Variants in PTPRD observed in about 807,000 individuals in gnomAD.
PTPRD encodes the protein receptor-type tyrosine-protein phosphatase delta.
PTPRD carries 34 observed loss-of-function variants against 214.5 expected under a neutral mutation model. The ratio of observed to expected loss-of-function variants is 0.16; its 90% CI spans 0.12 to 0.21. PTPRD has a LOEUF of 0.21. PTPRD is among the 10% of genes least tolerant of loss of function. The pLI, the probability that PTPRD is intolerant of heterozygous loss-of-function variation, is 1.00. For missense variants in PTPRD, 2,545 were observed against 2,398.7 expected (o/e 1.06, Z -1.27); for synonymous variants, 1,128 against 845.7 (o/e 1.33, Z -5.79).
chr9:8,561,617 G>C (rs977020454), intron 14 of PTPRD, among the ~76,000 whole-genome samples: 4 of 152,176 alleles, frequency 2.6e-5, no homozygotes, highest in Non-Finnish European at 5.9e-5. Context: ...AGGGGGGGTG[G>C]AGAGTGGAGG....
At chr9:9,336,599 G>C (rs890517396) in intron 9 of PTPRD, among the ~76,000 whole-genome samples, 9 of 152,104 alleles carry the variant, frequency 5.9e-5, no homozygotes, top group East Asian at 1.9e-4. Flanking sequence ...CAGGTAATAT[G>C]TGTTCTGGGA....
intron 14 of PTPRD, among the ~76,000 whole-genome samples, chr9:8,621,888 A>G (rs973902916): frequency 1.3e-5 from 2 of 151,972 alleles, no homozygotes; most frequent in African/African-American, 4.8e-5. Context: ...CTTATATAAC[A>G]GTGTTCCTGT....
chr9:10,028,231 G>C (rs1465996785), intron 4 of PTPRD, among the ~76,000 whole-genome samples: 1 of 152,258 alleles, frequency 6.6e-6, no homozygotes, highest in South Asian at 2.1e-4. Context: ...TGCCATGATC[G>C]TGAGGCCTCC....
At chr9:9,410,364 CAT>C (rs1442132824) in intron 8 of PTPRD, among the ~76,000 whole-genome samples, 20 of 152,288 alleles carry the variant, frequency 1.3e-4, no homozygotes, top group Middle Eastern at 3.4e-3. Context: ...TACTTTTAGA[CAT>C]ATACATCAAA....
intron 8 of PTPRD, among the ~76,000 whole-genome samples, chr9:9,457,173 T>C (rs920282282): frequency 4.6e-5 from 7 of 151,878 alleles, no homozygotes; most frequent in African/African-American, 1.7e-4. Context: ...ACAGTACAAT[T>C]GGTACTTATT....
chr9:8,517,933 T>G lies in PTPRD; in HGVS notation c.1458A>C (p.Lys486Asn). The change falls in exon 21 of 46, where the codon AAA becomes AAC. Residue 486 changes from lysine to asparagine, a missense_variant. Transcript: ENST00000381196. ...ITTIGNLVPQ[K>N]TYSVKVLAFT... The stretch of plus-strand genomic sequence containing the variant: ...AAGCCAGGACTTTGACAGAATATGT[T>G]TTCTGGGGCACTAAGTTGCCAATAG... 1 of 1,614,168 alleles carries G rather than the reference T, an allele frequency of 6.2e-7. No homozygotes were observed. The highest frequency in any genetic ancestry group is 8.5e-7 in the Non-Finnish European group (1 of 1,180,010).
In PTPRD at chr9:9,894,898, A is replaced by G. The variant is rs147446252; in HGVS notation, c.-368+43609T>C. Reference sequence around the variant, plus strand: ...TTCTCTGATTTTAACTGTAAGAACAAAAGAGCCAGAAATGGCTTTTGATTT... The same window carrying G: ...TTCTCTGATTTTAACTGTAAGAACAGAAGAGCCAGAAATGGCTTTTGATTT... On this transcript the variant is annotated intron_variant, in intron 5 of 45. Coordinates refer to ENST00000381196, the MANE Select transcript of PTPRD (RefSeq NM_002839.4). Among the ~76,000 whole-genome samples, 1,142 of 152,124 alleles carry G rather than the reference A, an allele frequency of 7.5e-3. 6 individuals carry two copies. The highest frequency in any genetic ancestry group is 0.039 in the South Asian group (188 of 4,820).
intron 4 of PTPRD, among the ~76,000 whole-genome samples, chr9:10,010,755 A>T (rs1272098155): frequency 6.6e-6 from 1 of 152,016 alleles, no homozygotes; most frequent in Non-Finnish European, 1.5e-5. Flanking sequence ...TTAGATCATT[A>T]TGGTAATGAG....
At chr9:8,934,306 G>A (rs79812257) in intron 11 of PTPRD, among the ~76,000 whole-genome samples, 5,837 of 147,490 alleles carry the variant, frequency 0.04, 416 homozygotes, top group African/African-American at 0.14. Context: ...TTGAACTACC[G>A]AAATCAAGCC....
chr9:9,313,119 A>G (rs906536010), intron 9 of PTPRD, among the ~76,000 whole-genome samples: 4 of 152,142 alleles, frequency 2.6e-5, no homozygotes, highest in South Asian at 2.1e-4. Context: ...GTGACCAAAA[A>G]TATAGCGTAG....
chr9:8,936,108 T>C lies in PTPRD; in HGVS notation c.-104+82589A>G, dbSNP rs537200602. Reference sequence around the variant, plus strand: ...CATCTTCAAATCAATTGATGGAAGATTGAGAGAAAGAGAACTTCAGGTCCA... The same window carrying C: ...CATCTTCAAATCAATTGATGGAAGACTGAGAGAAAGAGAACTTCAGGTCCA... On this transcript the variant is annotated intron_variant, in intron 11 of 45. Transcript: ENST00000381196. 3.3e-5 allele frequency: 5 copies of C among 152,044 alleles called. No individual in the cohort carries two copies. The East Asian group carries it at 5.8e-4, about 18-fold the overall frequency. The allele number at this position is 152,044 out of a possible 1,614,324, so 9.4% of individuals were successfully genotyped here. A position where few individuals can be genotyped will look rare whatever the true frequency, so the allele number is the denominator to read the frequency against.
intron 3 of PTPRD, among the ~76,000 whole-genome samples, chr9:10,166,366 CA>C (rs1351378706): frequency 7.4e-5 from 11 of 148,442 alleles, no homozygotes; most frequent in Non-Finnish European, 1.6e-4. Flanking sequence ...TTTCTGATGC[CA>C]ATGCTGATTT....
chr9:8,342,052 T>C, intron 39 of PTPRD, 74 bp from the exon 40 acceptor site: 1 of 1,390,680 alleles, frequency 7.2e-7, no homozygotes, highest in East Asian at 2.5e-5. Flanking sequence ...GTATTTTTAT[T>C]ATTCTTATTA....
At chr9:8,786,213 T>G (rs959024498) in intron 11 of PTPRD, among the ~76,000 whole-genome samples, 2 of 152,132 alleles carry the variant, frequency 1.3e-5, no homozygotes, top group Non-Finnish European at 2.9e-5. Context: ...ATAATTGAAC[T>G]TGTTCCTGTG....
chr9:8,664,371 T>C (rs201985608), intron 12 of PTPRD, among the ~76,000 whole-genome samples: 1 of 152,238 alleles, frequency 6.6e-6, no homozygotes, highest in East Asian at 1.9e-4. Context: ...GACATTTTCC[T>C]ATAGAGAACA....
intron 7 of PTPRD, among the ~76,000 whole-genome samples, chr9:9,589,003 T>C (rs2092418727): frequency 6.6e-6 from 1 of 151,978 alleles, no homozygotes; most frequent in Non-Finnish European, 1.5e-5. Context: ...TTTTGTTCAA[T>C]TTTAATTTTT....
At chr9:8,550,656 T>G (rs2081784868) in intron 14 of PTPRD, among the ~76,000 whole-genome samples, 1 of 152,166 alleles carries the variant, frequency 6.6e-6, no homozygotes, top group Non-Finnish European at 1.5e-5. Context: ...CCTAAATAAA[T>G]CTAAATCCAT....
At chr9:8,778,445 T>C (rs1445003597) in intron 11 of PTPRD, among the ~76,000 whole-genome samples, 1 of 152,192 alleles carries the variant, frequency 6.6e-6, no homozygotes, top group East Asian at 1.9e-4. Flanking sequence ...TCGCTACCTC[T>C]GGATAACAGA....
intron 9 of PTPRD, among the ~76,000 whole-genome samples, chr9:9,230,814 A>G (rs1248672020): frequency 2.0e-5 from 3 of 152,182 alleles, no homozygotes; most frequent in Non-Finnish European, 4.4e-5. Context: ...TCTTTTAAAA[A>G]AGACTAACCT....
Sources: gnomAD v4.1 joint callset for allele counts (sites outside exome capture counted in the v4.1 genomes callset) on GRCh38, gnomAD v4.1.1 for gene constraint, MANE v1.5 for transcripts, NCBI Gene and HGNC (gene_info 2026-07-23, HGNC 2026-07-21) for gene names.